The following TNFRSF10B variants were observed in gnomAD, a reference collection of about 807,000 sequenced individuals.
TNFRSF10B encodes TNF receptor superfamily member 10b, also known as tumor necrosis factor receptor superfamily member 10B.
TNFRSF10B carries 35 observed loss-of-function variants against 41.4 expected under a neutral mutation model. That is an observed-to-expected ratio of 0.85 (90% CI 0.65 to 1.12). The LOEUF (loss-of-function observed/expected upper bound fraction) is 1.12. TNFRSF10B is among the 50% of genes most tolerant of loss of function. TNFRSF10B has a pLI of 0.00. For synonymous variants in TNFRSF10B, 230 were observed against 215.5 expected (o/e 1.07, Z -0.59); for missense variants, 584 against 552.7 (o/e 1.06, Z -0.57).
chr8:23,052,244 A>G (rs1464149864), intron 1 of TNFRSF10B, among the ~76,000 whole-genome samples: 1 of 152,140 alleles, frequency 6.6e-6, no homozygotes, highest in East Asian at 1.9e-4. Context: ...ATATCGTAGG[A>G]AAACATTCTT....
At chr8:23,053,283 T>C (rs963533707) in intron 1 of TNFRSF10B, among the ~76,000 whole-genome samples, 1 of 152,108 alleles carries the variant, frequency 6.6e-6, no homozygotes, top group Non-Finnish European at 1.5e-5. Flanking sequence ...AATCCCAAAT[T>C]TACCAAGGTT....
chr8:23,056,427 G>A (rs1025206844), intron 1 of TNFRSF10B, among the ~76,000 whole-genome samples: 10 of 152,116 alleles, frequency 6.6e-5, no homozygotes, highest in Admixed American at 6.6e-4. Context: ...CGAGGCGGGC[G>A]ATCATTTGAG....
At chr8:23,058,586 A>G (rs1812737099) in intron 1 of TNFRSF10B, among the ~76,000 whole-genome samples, 1 of 151,982 alleles carries the variant, frequency 6.6e-6, no homozygotes, top group African/African-American at 2.4e-5. Flanking sequence ...CCCAGGTTCA[A>G]GCGATTCTCC....
chr8:23,031,665 G>A (rs1326576268), intron 2 of TNFRSF10B, among the ~76,000 whole-genome samples: 1 of 152,022 alleles, frequency 6.6e-6, no homozygotes, highest in South Asian at 2.1e-4. Context: ...AAGGTGCTAG[G>A]AATACAGGTG....
At chr8:23,031,354 G>A (rs1291462656) in intron 2 of TNFRSF10B, among the ~76,000 whole-genome samples, 5 of 151,496 alleles carry the variant, frequency 3.3e-5, no homozygotes, top group Non-Finnish European at 7.4e-5. Context: ...GGGATTACAG[G>A]CGTGAGCCAC....
At position 23,030,853 on chromosome 8, in the gene TNFRSF10B, G is replaced by A. The variant is rs145675791; in HGVS notation, c.270C>T (p.Asp90=). 2.1e-4 allele frequency: 346 copies of A among 1,611,222 alleles called. 1 individual carries two copies. In the African/African-American group the frequency reaches 2.4e-3, roughly 11 times the overall value. The change falls in exon 3 of 9, where the codon GAC becomes GAT. Residue 90 remains aspartate (D), a synonymous_variant. Transcript: ENST00000276431. ...LCPPGHHISE[D]GRDCISCKYG... Reference sequence around the variant, plus strand: ...ATTTGCAGGAGATGCAATCTCTACCGTCTTCTGAGATATGGTGTCCTGGGA... The same window carrying A: ...ATTTGCAGGAGATGCAATCTCTACCATCTTCTGAGATATGGTGTCCTGGGA...
Position 23,068,855 on chromosome 8 carries a change from C to T in TNFRSF10B, c.40G>A (p.Ala14Thr), listed in dbSNP as rs1055576017. Residue 14 changes from alanine to threonine, a missense_variant, in exon 1 of 9, where the codon GCC (alanine) becomes ACC (threonine). Transcript: ENST00000276431. ...GGTCCTGGGCCGTGCCTTTTCCGGG[C>T]CCCCGAAGCGGCCGGGGCGTTCTGT... is the stretch of plus-strand genomic sequence containing the variant. ...RGQNAPAASG[A>T]RKRHGPGPRE... The T allele has an allele frequency of 2.5e-6, 4 of 1,613,386 alleles. 1 individual carries two copies. Among genetic ancestry groups the T allele is most frequent in the Admixed American group, 3.3e-5 (2 of 60,032 alleles).
Position 23,032,211 on chromosome 8 carries a change from G to C in TNFRSF10B, c.251-1339C>G, listed in dbSNP as rs148281913. Among the ~76,000 whole-genome samples the C allele has an allele frequency of 2.4e-3, 360 of 152,276 alleles. 3 individuals are homozygous for C. The highest frequency in any genetic ancestry group is 7.8e-3 in the African/African-American group (323 of 41,552). On this transcript the variant is annotated intron_variant, in intron 2 of 8. Coordinates refer to ENST00000276431, the MANE Select transcript of TNFRSF10B (RefSeq NM_003842.5). Reference sequence around the variant, plus strand: ...GGCCTAGGGACTACTATATTAGACAGTGCCATCTTAGACCTTTAAAATGCA... The same window carrying C: ...GGCCTAGGGACTACTATATTAGACACTGCCATCTTAGACCTTTAAAATGCA...
chr8:23,054,644 T>G (rs969213641), intron 1 of TNFRSF10B, among the ~76,000 whole-genome samples: 2 of 152,172 alleles, frequency 1.3e-5, no homozygotes, highest in African/African-American at 2.4e-5. Flanking sequence ...CCTCATAATT[T>G]GTGTACATAG....
intron 1 of TNFRSF10B, among the ~76,000 whole-genome samples, chr8:23,064,648 A>C (rs1043266794): frequency 2.0e-5 from 3 of 151,998 alleles, no homozygotes; most frequent in African/African-American, 7.3e-5. Flanking sequence ...CTGTCTTGTG[A>C]CTCACCCACC....
intron 1 of TNFRSF10B, among the ~76,000 whole-genome samples, chr8:23,043,515 G>A (rs1372341778): frequency 2.6e-5 from 4 of 152,172 alleles, no homozygotes; most frequent in African/African-American, 4.8e-5. Flanking sequence ...GACCACACGT[G>A]ATATTCTCAG....
intron 1 of TNFRSF10B, among the ~76,000 whole-genome samples, chr8:23,057,897 A>G (rs1204943693): frequency 6.6e-6 from 1 of 152,176 alleles, no homozygotes; most frequent in Non-Finnish European, 1.5e-5. Context: ...TTATTACTTG[A>G]ATGGTATATC....
chr8:23,033,631 A>C (rs1811949035), intron 2 of TNFRSF10B, among the ~76,000 whole-genome samples: 1 of 147,200 alleles, frequency 6.8e-6, no homozygotes, highest in Admixed American at 6.8e-5. Flanking sequence ...AGAACCCTGG[A>C]AAAGGTAACT....
At chr8:23,044,643 T>G (rs2128816321) in intron 1 of TNFRSF10B, among the ~76,000 whole-genome samples, 1 of 152,186 alleles carries the variant, frequency 6.6e-6, no homozygotes, top group Middle Eastern at 3.4e-3. Flanking sequence ...AAAGCAGTTT[T>G]AAGAGGAAAT....
At position 23,022,350 on chromosome 8, in the gene TNFRSF10B, A is replaced by T. The variant is rs1168102615; in HGVS notation, c.*321T>A. ...GGATCTTACAATGTAGCCCAAATAA[A>T]TAAATAAAGCATTTACATTAGGATA... is the stretch of plus-strand genomic sequence containing the variant. On this transcript the variant is annotated 3_prime_UTR_variant, in exon 9 of 9. Transcript: ENST00000276431. 8.2e-6 allele frequency: 4 copies of T among 488,886 alleles called. No individual in the cohort carries two copies. Among genetic ancestry groups the T allele is most frequent in the Non-Finnish European group, 1.2e-5 (3 of 250,410 alleles). 30.3% of individuals were successfully genotyped at this position (488,886 alleles called of 1,614,324 possible). A position where few individuals can be genotyped will look rare whatever the true frequency, so the allele number is the denominator to read the frequency against.
intron 1 of TNFRSF10B, among the ~76,000 whole-genome samples, chr8:23,065,613 T>C (rs1312323257): frequency 1.3e-5 from 2 of 152,136 alleles, no homozygotes; most frequent in Non-Finnish European, 1.5e-5. Context: ...ACTATAACTT[T>C]AGTAGTTAAC....
Position 23,022,179 on chromosome 8 carries a change from G to C in TNFRSF10B, c.*492C>G. The C allele has an allele frequency of 2.2e-6, 1 of 450,004 alleles. No individual in the cohort carries two copies. The allele number at this position is 450,004 out of a possible 1,614,324, so 27.9% of individuals were successfully genotyped here. A position where few individuals can be genotyped will look rare whatever the true frequency, so the allele number is the denominator to read the frequency against. Reference sequence around the variant, plus strand: ...GATGGCTGAGGTGGGAGAATCGCTTGAGCCTGAGAGGTCAAGGCTATAGTG... The same window carrying C: ...GATGGCTGAGGTGGGAGAATCGCTTCAGCCTGAGAGGTCAAGGCTATAGTG... On this transcript the variant is annotated 3_prime_UTR_variant, in exon 9 of 9. Coordinates refer to ENST00000276431, the MANE Select transcript of TNFRSF10B (RefSeq NM_003842.5).
chr8:23,045,099 G>A (rs980914260), intron 1 of TNFRSF10B, among the ~76,000 whole-genome samples: 16 of 147,388 alleles, frequency 1.1e-4, no homozygotes, highest in Non-Finnish European at 2.2e-4. Flanking sequence ...GCATGGAGGT[G>A]TGCATCTGTA....
chr8:23,068,740 C>CG lies in TNFRSF10B; in HGVS notation c.144+10dup. ...GCTCTTCCCCAGCCAGGGACCGCGG[C>CG]GGGGACTCACCAACAGCAGGACCGC... On this transcript the variant is annotated intron_variant, in intron 1 of 8. Transcript: ENST00000276431. 1 of 1,568,772 alleles carries CG rather than the reference C, an allele frequency of 6.4e-7. No individual in the cohort carries two copies. Among genetic ancestry groups the CG allele is most frequent in the Non-Finnish European group, 8.6e-7 (1 of 1,157,522 alleles).
Sources: gnomAD v4.1 joint callset for allele counts (sites outside exome capture counted in the v4.1 genomes callset) on GRCh38, gnomAD v4.1.1 for gene constraint, MANE v1.5 for transcripts, NCBI Gene and HGNC (gene_info 2026-07-23, HGNC 2026-07-21) for gene names.